Variants in CPLX2 observed in about 807,000 individuals in gnomAD.
CPLX2 encodes the protein complexin-2.
In CPLX2, 5 loss-of-function variants were observed where a neutral mutation model predicts 16.3. The ratio of observed to expected loss-of-function variants is 0.31; its 90% CI spans 0.16 to 0.64. The LOEUF (loss-of-function observed/expected upper bound fraction) is 0.64. CPLX2 is among the 30% of genes least tolerant of loss of function. CPLX2 has a pLI of 0.79. For missense variants in CPLX2, 144 were observed against 181.4 expected (o/e 0.79, Z 1.18); for synonymous variants, 89 against 73.2 (o/e 1.22, Z -1.10).
rs1759037796 is a variant in CPLX2 at position 175,846,111 on chromosome 5, A to G, written c.-88-32541A>G. On this transcript the variant is annotated intron_variant, in intron 2 of 4. Coordinates refer to the CPLX2 transcript ENST00000359546. ...GGCAGGTCTCCACTTCTGGCCATGC[A>G]CACACACAAACACACACACCCGCAC... Among the ~76,000 whole-genome samples the G allele has an allele frequency of 1.3e-5, 2 of 151,996 alleles. 1 individual carries two copies. Among genetic ancestry groups the G allele is most frequent in the South Asian group, 4.2e-4 (2 of 4,816 alleles).
chr5:175,881,057 T>C lies in CPLX2; in HGVS notation c.*1012T>C, dbSNP rs1560034. The C allele has an allele frequency of 0.37, 56,694 of 152,952 alleles. 12,102 individuals are homozygous for C. The highest frequency in any genetic ancestry group is 0.45 in the Non-Finnish European group (30,679 of 68,072). 9.5% of individuals were successfully genotyped at this position (152,952 alleles called of 1,614,324 possible). On this transcript the variant is annotated 3_prime_UTR_variant, in exon 4 of 4. Coordinates refer to ENST00000393745, the MANE Select transcript of CPLX2 (RefSeq NM_001008220.2). ...AGAAGGCGTCCATCCATTCATCTCA[T>C]TGGCCAAGGACAAACTCTCCTCTGG...
intron 1 of CPLX2, among the ~76,000 whole-genome samples, chr5:175,802,741 T>C (rs577289052): frequency 1.1e-4 from 16 of 152,326 alleles, no homozygotes; most frequent in Non-Finnish European, 1.9e-4. Context: ...ATGGGGGTAA[T>C]ACCGCCAGGG....
At chr5:175,873,809 T>C (rs59648598) in intron 1 of CPLX2, among the ~76,000 whole-genome samples, 10,573 of 152,276 alleles carry the variant, frequency 0.069, 575 homozygotes, top group East Asian at 0.15. Context: ...TAGGTGTTGT[T>C]GTCTCCATTT....
chr5:175,871,973 C>T (rs1759634253), intron 1 of CPLX2: 1 of 152,268 alleles, frequency 6.6e-6, no homozygotes, highest in Admixed American at 6.5e-5. Context: ...AAGCGTGGGC[C>T]CTAGCCGGAG....
At chr5:175,820,429 G>T (rs767489731) in intron 2 of CPLX2, among the ~76,000 whole-genome samples, 14 of 152,176 alleles carry the variant, frequency 9.2e-5, no homozygotes, top group Non-Finnish European at 4.4e-5. Flanking sequence ...ACAGGCCACT[G>T]GTGGGTTCCT....
intron 2 of CPLX2, among the ~76,000 whole-genome samples, chr5:175,823,353 T>A (rs1758548099): frequency 6.6e-6 from 1 of 152,010 alleles, no homozygotes; most frequent in Non-Finnish European, 1.5e-5. Flanking sequence ...AATGCATGGA[T>A]GGTAGGATAG....
At chr5:175,823,963 A>C (rs542006220) in intron 2 of CPLX2, among the ~76,000 whole-genome samples, 1 of 152,170 alleles carries the variant, frequency 6.6e-6, no homozygotes, top group African/African-American at 2.4e-5. Flanking sequence ...TCAATAATGC[A>C]TGTCCTCCTC....
chr5:175,799,730 A>G (rs1758058808), intron 1 of CPLX2, among the ~76,000 whole-genome samples: 2 of 150,330 alleles, frequency 1.3e-5, no homozygotes, highest in South Asian at 2.1e-4. Context: ...ATGGAGTCTC[A>G]CTATGTTGCC....
upstream of CPLX2, among the ~76,000 whole-genome samples, chr5:175,867,330 A>G (rs539999750): frequency 6.6e-6 from 1 of 152,238 alleles, no homozygotes; most frequent in South Asian, 2.1e-4. Flanking sequence ...GCACACTCAT[A>G]TCTGCAGCCT....
chr5:175,847,133 G>T (rs1759057149), intron 2 of CPLX2, among the ~76,000 whole-genome samples: 2 of 152,222 alleles, frequency 1.3e-5, no homozygotes, highest in African/African-American at 4.8e-5. Flanking sequence ...GGCTTTAGGG[G>T]CCTCGTCCCA....
chr5:175,802,647 G>A (rs1034177997), intron 1 of CPLX2, among the ~76,000 whole-genome samples: 1 of 152,200 alleles, frequency 6.6e-6, no homozygotes, highest in South Asian at 2.1e-4. Context: ...AGGGCATGGG[G>A]CCAGGTGCTT....
chr5:175,857,094 C>T (rs1432086959), intron 2 of CPLX2, among the ~76,000 whole-genome samples: 1 of 152,144 alleles, frequency 6.6e-6, no homozygotes, highest in Non-Finnish European at 1.5e-5. Flanking sequence ...GCATCCAGGC[C>T]TCTCACTAGG....
intron 2 of CPLX2, among the ~76,000 whole-genome samples, chr5:175,831,568 A>C (rs568117022): frequency 6.6e-6 from 1 of 152,328 alleles, no homozygotes; most frequent in Admixed American, 6.5e-5. Context: ...GGCTCTGAGC[A>C]GAACATTGAC....
chr5:175,827,123 C>T (rs1758630483), intron 2 of CPLX2, among the ~76,000 whole-genome samples: 2 of 152,210 alleles, frequency 1.3e-5, no homozygotes, highest in African/African-American at 2.4e-5. Context: ...AGTTCCAGAA[C>T]TGAGTCTCAT....
intron 2 of CPLX2, among the ~76,000 whole-genome samples, chr5:175,836,274 C>A (rs932555016): frequency 1.8e-4 from 28 of 152,200 alleles, no homozygotes; most frequent in Non-Finnish European, 3.5e-4. Context: ...GGCATGAACC[C>A]GGGAGGCGGA....
chr5:175,858,619 A>G (rs1291344856), intron 2 of CPLX2, among the ~76,000 whole-genome samples: 2 of 152,238 alleles, frequency 1.3e-5, no homozygotes, highest in African/African-American at 2.4e-5. Flanking sequence ...ACAAGCAGGA[A>G]ATGTACACAA....
At chr5:175,847,716 C>T (rs1759074535) in intron 2 of CPLX2, among the ~76,000 whole-genome samples, 1 of 152,182 alleles carries the variant, frequency 6.6e-6, no homozygotes, top group Non-Finnish European at 1.5e-5. Context: ...CTGCCCAGAC[C>T]ACACACAGGC....
intron 2 of CPLX2, among the ~76,000 whole-genome samples, chr5:175,852,884 C>A (rs576245676): frequency 1.5e-4 from 23 of 152,218 alleles, no homozygotes; most frequent in African/African-American, 5.3e-4. Context: ...TCTGTGGGTA[C>A]CACTCTCGAT....
At chr5:175,819,205 T>G (rs2113642420) in intron 2 of CPLX2, among the ~76,000 whole-genome samples, 1 of 152,224 alleles carries the variant, frequency 6.6e-6, no homozygotes, top group Middle Eastern at 3.4e-3. Flanking sequence ...GCCATGAAGA[T>G]TCTTGCACGT....
Sources: allele counts gnomAD v4.1 joint callset (sites outside exome capture counted in the v4.1 genomes callset), GRCh38; gene constraint gnomAD v4.1.1; transcripts MANE v1.5; gene names NCBI Gene and HGNC (gene_info 2026-07-23, HGNC 2026-07-21).